LHFPL4: variants seen among roughly 807,000 people sequenced by gnomAD.
The protein encoded by LHFPL4 is LHFPL tetraspan subfamily member 4, also known as LHFPL tetraspan subfamily member 4 protein.
A neutral mutation model predicts 20.0 loss-of-function variants in LHFPL4; 6 were observed. The observed-to-expected ratio is 0.30, with a 90% CI of 0.16 to 0.59. The LOEUF is 0.59. Ranked by LOEUF, LHFPL4 falls within the 20% of genes least tolerant of loss-of-function variation. The pLI, the probability that LHFPL4 is intolerant of heterozygous loss-of-function variation, is 0.88. For missense variants in LHFPL4, 215 were observed against 331.2 expected (o/e 0.65, Z 2.72); for synonymous variants, 129 against 143.8 (o/e 0.90, Z 0.74).
chr3:9,505,045 C>T (rs1435548575), intron 3 of LHFPL4, among the ~76,000 whole-genome samples: 3 of 151,682 alleles, frequency 2.0e-5, no homozygotes, highest in Non-Finnish European at 4.4e-5. Flanking sequence ...GTGATGTGAA[C>T]ATGTCACGTG....
intron 3 of LHFPL4, among the ~76,000 whole-genome samples, chr3:9,503,283 GGGA>G (rs1202597945): frequency 2.6e-5 from 4 of 152,162 alleles, no homozygotes; most frequent in African/African-American, 9.7e-5. Flanking sequence ...GCTTTGGGAA[GGGA>G]GGAGAAGGAC....
intron 2 of LHFPL4, among the ~76,000 whole-genome samples, chr3:9,524,750 G>A (rs751415977): frequency 6.6e-6 from 1 of 152,086 alleles, no homozygotes; most frequent in Non-Finnish European, 1.5e-5. Flanking sequence ...AATTGAGCCG[G>A]GTTCACATAT....
At chr3:9,523,983 T>C (rs7622076) in intron 2 of LHFPL4, among the ~76,000 whole-genome samples, 278 of 134,142 alleles carry the variant, frequency 2.1e-3, no homozygotes, top group African/African-American at 6.2e-3. Context: ...GGCTAGTATT[T>C]CCCCCCCCCC....
At chr3:9,522,437 T>C (rs1177946841) in intron 2 of LHFPL4, among the ~76,000 whole-genome samples, 1 of 152,156 alleles carries the variant, frequency 6.6e-6, no homozygotes, top group African/African-American at 2.4e-5. Context: ...GTTAGATCAA[T>C]TATGCATAAG....
intron 2 of LHFPL4, among the ~76,000 whole-genome samples, chr3:9,529,813 A>G (rs189109941): frequency 6.6e-6 from 1 of 151,658 alleles, no homozygotes; most frequent in African/African-American, 2.4e-5. Context: ...TTGTATTTTT[A>G]GTAGAGATGG....
intron 3 of LHFPL4, among the ~76,000 whole-genome samples, chr3:9,503,053 T>C (rs1210453350): frequency 1.3e-5 from 2 of 152,276 alleles, no homozygotes; most frequent in Non-Finnish European, 2.9e-5. Flanking sequence ...TCGCCCAGAC[T>C]GGTCTTGAAC....
chr3:9,508,850 G>C (rs1003536561), intron 2 of LHFPL4, among the ~76,000 whole-genome samples: 6 of 152,142 alleles, frequency 3.9e-5, no homozygotes, highest in Non-Finnish European at 8.8e-5. Context: ...AGGCGGGTGC[G>C]CTCCTGCCTC....
At chr3:9,525,350 T>C (rs1435018185) in intron 2 of LHFPL4, among the ~76,000 whole-genome samples, 1 of 152,230 alleles carries the variant, frequency 6.6e-6, no homozygotes, top group Non-Finnish European at 1.5e-5. Flanking sequence ...CAGTTTTCCC[T>C]TGCCTGGGCA....
intron 2 of LHFPL4, among the ~76,000 whole-genome samples, chr3:9,512,865 T>C (rs1247558235): frequency 2.0e-5 from 3 of 151,940 alleles, no homozygotes; most frequent in African/African-American, 7.3e-5. Flanking sequence ...ACCCCAGGAG[T>C]GGTGAGCATA....
chr3:9,509,395 C>A (rs897477944), intron 2 of LHFPL4, among the ~76,000 whole-genome samples: 1 of 152,072 alleles, frequency 6.6e-6, no homozygotes, highest in Non-Finnish European at 1.5e-5. Context: ...TTCTCTATAT[C>A]TATCCCCTCC....
rs191600087 is a variant in LHFPL4, at chr3:9,520,640, G to A, written c.407-14437C>T. 3.5e-4 allele frequency among the ~76,000 whole-genome samples: 53 copies of A among 152,154 alleles called. 1 individual carries two copies. The highest frequency in any genetic ancestry group is 2.7e-3 in the Admixed American group (41 of 15,294). ...ATTACAGGTGTGAGCCACCCTGCCC[G>A]GCCTCTATCTTGAGATTTTTTATTT... On this transcript the variant is annotated intron_variant, in intron 2 of 3. Transcript: ENST00000287585.
rs1307999162 is a variant in LHFPL4 at position 9,500,380 on chromosome 3, G to A, written c.*1831C>T. On this transcript the variant is annotated 3_prime_UTR_variant, in exon 4 of 4. Transcript: ENST00000287585. ...GGGAAGGCGCCGGCGGGGAAGGGGA[G>A]CCCAGCGCTGGGACCAGAGCACTGC... The A allele has an allele frequency of 6.6e-6, 1 of 152,388 alleles. No homozygotes were observed. The highest frequency in any genetic ancestry group is 2.4e-5 in the African/African-American group (1 of 41,456). 9.4% of individuals were successfully genotyped at this position (152,388 alleles called of 1,614,324 possible).
chr3:9,542,937 G>A (rs2046486756), intron 2 of LHFPL4, among the ~76,000 whole-genome samples: 1 of 152,106 alleles, frequency 6.6e-6, no homozygotes, highest in African/African-American at 2.4e-5. Flanking sequence ...AGGGTCAGGG[G>A]TTAATGGGTG....
intron 2 of LHFPL4, among the ~76,000 whole-genome samples, chr3:9,507,983 C>T (rs1574837613): frequency 6.6e-6 from 1 of 152,220 alleles, no homozygotes; most frequent in South Asian, 2.1e-4. Context: ...CCAGAGGGCT[C>T]TGTTTGGAAC....
In LHFPL4 at chr3:9,500,969, G is replaced by GCGCACACACA. The variant is rs1408655017; in HGVS notation, c.*1232_*1241dup. 1.3e-5 allele frequency: 2 copies of GCGCACACACA among 152,972 alleles called. No homozygotes were observed. Among genetic ancestry groups the GCGCACACACA allele is most frequent in the East Asian group, 1.9e-4 (1 of 5,166 alleles). 9.5% of individuals were successfully genotyped at this position (152,972 alleles called of 1,614,324 possible). Reference sequence around the variant, plus strand: ...CACACACACACACACACGCTCACACGCGCACACACACGCACACACATTTCA... The same window carrying GCGCACACACA: ...CACACACACACACACACGCTCACACGCGCACACACACGCACACACACGCACACACATTTCA... On this transcript the variant is annotated 3_prime_UTR_variant, in exon 4 of 4. Transcript: ENST00000287585.
chr3:9,513,800 A>G (rs1406808843), intron 2 of LHFPL4, among the ~76,000 whole-genome samples: 1 of 152,194 alleles, frequency 6.6e-6, no homozygotes, highest in Non-Finnish European at 1.5e-5. Flanking sequence ...TCTTGGTGAT[A>G]CCTGCTTCTC....
chr3:9,505,839 G>A (rs548484164), intron 3 of LHFPL4, 128 bp downstream of exon 3: 117 of 901,022 alleles, frequency 1.3e-4, no homozygotes, highest in Non-Finnish European at 1.6e-4. Flanking sequence ...GATTATAGGC[G>A]TGAGCCACCA....
intron 2 of LHFPL4, among the ~76,000 whole-genome samples, chr3:9,545,093 G>A (rs1386722427): frequency 6.6e-6 from 1 of 152,004 alleles, no homozygotes; most frequent in East Asian, 1.9e-4. Flanking sequence ...GGGTTGATGT[G>A]AGAAACACAA....
intron 2 of LHFPL4, among the ~76,000 whole-genome samples, chr3:9,526,576 C>A (rs549123345): frequency 1.3e-5 from 2 of 152,246 alleles, no homozygotes; most frequent in Non-Finnish European, 2.9e-5. Flanking sequence ...AGTTTAATTG[C>A]GTTCCCTCAA....
Sources: gnomAD v4.1 joint callset for allele counts (sites outside exome capture counted in the v4.1 genomes callset) on GRCh38, gnomAD v4.1.1 for gene constraint, MANE v1.5 for transcripts, NCBI Gene and HGNC (gene_info 2026-07-23, HGNC 2026-07-21) for gene names.